MACF1: variants seen among roughly 807,000 people sequenced by gnomAD.
MACF1 encodes the protein microtubule actin crosslinking factor 1, also known as microtubule-actin cross-linking factor 1.
In MACF1, 193 loss-of-function variants were observed where a neutral mutation model predicts 854.8. That is an observed-to-expected ratio of 0.23 (90% CI 0.20 to 0.25). The LOEUF is 0.25. Among genes scored for constraint, MACF1 ranks in the 10% least tolerant of loss-of-function variants. The pLI, the probability that MACF1 is intolerant of heterozygous loss-of-function variation, is 1.00. For missense variants in MACF1, 7,722 were observed against 8,929.1 expected (o/e 0.86, Z 5.45); for synonymous variants, 3,185 against 3,226.7 (o/e 0.99, Z 0.44).
chr1:39,341,947 T>C (rs971108694), intron 40 of MACF1, among the ~76,000 whole-genome samples: 3 of 151,966 alleles, frequency 2.0e-5, no homozygotes, highest in African/African-American at 4.8e-5. Flanking sequence ...GTTTGTTATA[T>C]AGGTAAACTG....
chr1:39,410,538 G>T (rs774983987), intron 58 of MACF1: 2 of 1,614,052 alleles, frequency 1.2e-6, no homozygotes, highest in East Asian at 2.2e-5. Flanking sequence ...CAGAAGGTAA[G>T]AAGCTGGATG....
chr1:39,381,693 G>A (rs1162318900), intron 55 of MACF1, among the ~76,000 whole-genome samples: 1 of 152,068 alleles, frequency 6.6e-6, no homozygotes, highest in Non-Finnish European at 1.5e-5. Context: ...AACTGGGCAT[G>A]GTGGCACACG....
chr1:39,087,531 T>C (rs937302403), intron 2 of MACF1, among the ~76,000 whole-genome samples: 2 of 152,234 alleles, frequency 1.3e-5, no homozygotes, highest in Non-Finnish European at 2.9e-5. Context: ...CTACATTTGT[T>C]TCTCCTTCTT....
chr1:39,203,172 C>G (rs1277982870), upstream of MACF1, among the ~76,000 whole-genome samples: 1 of 152,072 alleles, frequency 6.6e-6, no homozygotes, highest in Non-Finnish European at 1.5e-5. Flanking sequence ...GAGACTATAG[C>G]ATCTTCATCT....
chr1:39,368,046 A>T, intron 49 of MACF1, 102 bp from the exon 50 acceptor site: 2 of 744,412 alleles, frequency 2.7e-6, no homozygotes, highest in Non-Finnish European at 4.2e-6. Context: ...TATTGTTTTG[A>T]TCTAGCATTT....
chr1:39,380,367 G>C lies in MACF1; in HGVS notation c.13642G>C (p.Glu4548Gln). The C allele has an allele frequency of 1.9e-6, 3 of 1,612,804 alleles. No individual in the cohort carries two copies. The highest frequency in any genetic ancestry group is 1.3e-5 in the African/African-American group (1 of 74,976). Residue 4548 changes from glutamate (E) to glutamine (Q), a missense_variant, in exon 55 of 101, where the codon GAA becomes CAA. Glu to Gln is a conservative substitution (Grantham distance 29). This residue lies in a region of MACF1 where 2,807 missense variants were observed against 3,235.8 expected (regional missense o/e 0.87). Transcript: ENST00000564288. ...AGAAAATTGGAAGAAAATTCAGGAAGAACTCAGTAAGTTTTCACAAGAGTG... is the reference window on the plus strand; with the variant it reads ...AGAAAATTGGAAGAAAATTCAGGAACAACTCAGTAAGTTTTCACAAGAGTG... ...EAENWKKIQE[E>Q]LNSRWERATE...
intron 40 of MACF1, among the ~76,000 whole-genome samples, chr1:39,346,522 T>C (rs1006801563): frequency 4.6e-5 from 5 of 109,518 alleles, no homozygotes; most frequent in African/African-American, 4.2e-5. Context: ...TGAGAGAGAC[T>C]TTTTTTTTTT....
chr1:39,301,288 G>T (rs907157874), intron 22 of MACF1, among the ~76,000 whole-genome samples: 2 of 150,344 alleles, frequency 1.3e-5, no homozygotes, highest in African/African-American at 2.5e-5. Flanking sequence ...CACCATGCCC[G>T]CCTAAGTTTT....
rs776314225 is a variant in MACF1, at chr1:39,316,477, A to T, written c.3536A>T (p.Glu1179Val). The change falls in exon 28 of 101, where the codon GAA becomes GTA. Residue 1179 changes from glutamate to valine, a missense_variant. Physicochemically the swap from Glu to Val is moderately radical, Grantham distance 121. Coordinates refer to ENST00000564288, the MANE Select transcript of MACF1 (RefSeq NM_001394062.1). The part of the protein sequence containing the change: ...KGYEIKLSQE[E>V]VVLADLSALE... ...TATGAGATTAAGCTGAGTCAAGAAG[A>T]AGTAGTACTGGCAGATCTCTCAGCT... 9.9e-6 allele frequency: 16 copies of T among 1,613,828 alleles called. No individual in the cohort carries two copies. Among genetic ancestry groups the T allele is most frequent in the Middle Eastern group, 1.6e-4 (1 of 6,082 alleles).
At chr1:39,212,927 A>G (rs1644533485) in intron 1 of MACF1, among the ~76,000 whole-genome samples, 1 of 152,192 alleles carries the variant, frequency 6.6e-6, no homozygotes, top group Non-Finnish European at 1.5e-5. Context: ...TGCCTGGCCG[A>G]GTTAAATGTT....
chr1:39,379,954 G>A (rs1055986250), intron 54 of MACF1, among the ~76,000 whole-genome samples: 1 of 152,128 alleles, frequency 6.6e-6, no homozygotes, highest in Non-Finnish European at 1.5e-5. Flanking sequence ...TTCAAGATAT[G>A]TTATCATCAT....
intron 2 of MACF1, among the ~76,000 whole-genome samples, chr1:39,186,733 G>A (rs997323606): frequency 6.6e-6 from 1 of 151,844 alleles, no homozygotes; most frequent in Non-Finnish European, 1.5e-5. Flanking sequence ...TCAGCTTCCT[G>A]AGTAGCTTAG....
At chr1:39,139,403 TC>T (rs1643271258) in intron 2 of MACF1, among the ~76,000 whole-genome samples, 1 of 151,526 alleles carries the variant, frequency 6.6e-6, no homozygotes, top group South Asian at 2.1e-4. Flanking sequence ...ATTACAGGTG[TC>T]CCCTACCACG....
chr1:39,084,426 G>A lies in MACF1; in HGVS notation c.208G>A (p.Val70Ile). The A allele has an allele frequency of 1.9e-6, 3 of 1,609,432 alleles. No homozygotes were observed. The highest frequency in any genetic ancestry group is 1.7e-6 in the Non-Finnish European group (2 of 1,179,832). The change falls in exon 2 of 94, where the codon GTC (valine) becomes ATC (isoleucine). Residue 70 changes from valine (V) to isoleucine (I), a missense_variant. Coordinates refer to the MACF1 transcript ENST00000361689. This position sits in a 1 kb window ranked among gnomAD's most constrained non-coding sequence, Gnocchi z 5.2. ...GCTGGACCCTGCAGAGCGTGCTGTG[G>A]TCAGAGTCGCTGGTAAGAGAGGTCC...
chr1:39,334,856 A>G lies in MACF1; in HGVS notation c.8268A>G (p.Ala2756=), dbSNP rs1189140825. 2 of 1,614,206 alleles carry G rather than the reference A, an allele frequency of 1.2e-6. No individual in the cohort carries two copies. The highest frequency in any genetic ancestry group is 2.2e-5 in the South Asian group (2 of 91,086). ...IEKRLISPEL[A]NMIQIDSSEF... ...AAAGACTGATCAGCCCTGAACTGGC[A>G]AATATGATCCAAATAGATAGTTCAG... The change falls in exon 37 of 101, where the codon GCA becomes GCG. Residue 2756 remains alanine, a synonymous_variant. Coordinates refer to ENST00000564288, the MANE Select transcript of MACF1 (RefSeq NM_001394062.1).
intron 2 of MACF1, among the ~76,000 whole-genome samples, chr1:39,119,198 T>C (rs1041886308): frequency 4.6e-5 from 7 of 151,136 alleles, no homozygotes; most frequent in Admixed American, 2.0e-4. Flanking sequence ...ATGCCTGTAA[T>C]CCCAGCTACT....
intron 2 of MACF1, among the ~76,000 whole-genome samples, chr1:39,101,431 G>A (rs1391461171): frequency 6.6e-6 from 1 of 150,578 alleles, no homozygotes; most frequent in African/African-American, 2.4e-5. Flanking sequence ...ATTTTGCCAT[G>A]TTGCCCAGGC....
At chr1:39,189,810 T>A (rs967566276) in intron 2 of MACF1, among the ~76,000 whole-genome samples, 1 of 152,258 alleles carries the variant, frequency 6.6e-6, no homozygotes, top group Non-Finnish European at 1.5e-5. Flanking sequence ...ATGTTAAGAC[T>A]ATCTGTATAC....
chr1:39,085,877 C>G (rs568383354), intron 2 of MACF1, among the ~76,000 whole-genome samples: 2 of 152,290 alleles, frequency 1.3e-5, no homozygotes, highest in Non-Finnish European at 2.9e-5. Context: ...ATGCATCTTG[C>G]AGGATGAAAC....
Sources: allele counts gnomAD v4.1 joint callset (sites outside exome capture counted in the v4.1 genomes callset), GRCh38; gene constraint gnomAD v4.1.1; regional missense constraint gnomAD v4.1.1; non-coding constraint Gnocchi (gnomAD v3.1); transcripts MANE v1.5; gene names NCBI Gene and HGNC (gene_info 2026-07-23, HGNC 2026-07-21).